The following FHIT variants were observed in gnomAD, a reference collection of about 807,000 sequenced individuals.
FHIT encodes fragile histidine triad diadenosine triphosphatase.
FHIT carries 19 observed loss-of-function variants against 17.9 expected under a neutral mutation model. That is an observed-to-expected ratio of 1.06 (90% CI 0.74 to 1.56). The LOEUF is 1.56. Ranked by LOEUF, FHIT falls within the 40% of genes most tolerant of loss-of-function variation. FHIT has a pLI of 0.00. For synonymous variants in FHIT, 81 were observed against 69.7 expected, an observed-to-expected ratio of 1.16 and a Z score of -0.81; for missense variants, 248 against 189.2, an observed-to-expected ratio of 1.31 and a Z score of -1.82.
At chr3:60,932,804 G>T (rs1708026623) in intron 3 of FHIT, among the ~76,000 whole-genome samples, 1 of 152,094 alleles carries the variant, frequency 6.6e-6, no homozygotes, top group Non-Finnish European at 1.5e-5. Flanking sequence ...TTCTGCTGGA[G>T]AAAGGAGGGT....
intron 3 of FHIT, 42 bp downstream of exon 3, chr3:61,042,005 A>G (rs1328573370): frequency 6.6e-6 from 1 of 152,240 alleles, no homozygotes; most frequent in South Asian, 2.1e-4. Context: ...AGCCAGTGGC[A>G]TATGTGCCAA....
chr3:61,133,291 T>G (rs1005498602), intron 2 of FHIT, among the ~76,000 whole-genome samples: 3 of 152,222 alleles, frequency 2.0e-5, no homozygotes, highest in Non-Finnish European at 4.4e-5. Flanking sequence ...GGTACAACCA[T>G]GTCTGTTTTG....
At chr3:60,099,657 A>G (rs1704109839) in intron 5 of FHIT, among the ~76,000 whole-genome samples, 1 of 152,202 alleles carries the variant, frequency 6.6e-6, no homozygotes, top group African/African-American at 2.4e-5. Context: ...CTCACCCGAC[A>G]TATTTACATA....
At chr3:60,277,054 T>G (rs1346139376) in intron 5 of FHIT, among the ~76,000 whole-genome samples, 1 of 151,994 alleles carries the variant, frequency 6.6e-6, no homozygotes, top group Non-Finnish European at 1.5e-5. Flanking sequence ...GCTAGAACTT[T>G]CAGTTACTTA....
At chr3:60,082,645 T>C (rs1703338791) in intron 5 of FHIT, among the ~76,000 whole-genome samples, 1 of 152,088 alleles carries the variant, frequency 6.6e-6, no homozygotes, top group Non-Finnish European at 1.5e-5. Flanking sequence ...CTGTGTCTTT[T>C]TGGCTTTTTA....
chr3:60,477,633 C>T (rs2033412613), intron 5 of FHIT, among the ~76,000 whole-genome samples: 1 of 152,124 alleles, frequency 6.6e-6, no homozygotes, highest in African/African-American at 2.4e-5. Context: ...TATTATTTTT[C>T]TGGTAGATGA....
intron 5 of FHIT, among the ~76,000 whole-genome samples, chr3:60,239,029 T>G (rs536007517): frequency 3.9e-4 from 59 of 152,302 alleles, no homozygotes; most frequent in Non-Finnish European, 7.8e-4. Context: ...TAAGAATGTA[T>G]ATACTTAGCC....
chr3:60,030,535 T>C (rs1194239391), intron 5 of FHIT, among the ~76,000 whole-genome samples: 2 of 152,246 alleles, frequency 1.3e-5, no homozygotes, highest in Admixed American at 6.5e-5. Context: ...CATTTGTTTG[T>C]ATCCCTCATA....
At chr3:60,283,362 A>T (rs1207932106) in intron 5 of FHIT, among the ~76,000 whole-genome samples, 1 of 152,108 alleles carries the variant, frequency 6.6e-6, no homozygotes, top group East Asian at 1.9e-4. Context: ...AATATATATT[A>T]ATACATATCA....
intron 5 of FHIT, among the ~76,000 whole-genome samples, chr3:60,133,532 A>G (rs1215249156): frequency 6.6e-6 from 1 of 152,106 alleles, no homozygotes; most frequent in Non-Finnish European, 1.5e-5. Context: ...TAAATCACAC[A>G]GGGAGAAGTG....
chr3:60,274,026 T>C (rs1401819821), intron 5 of FHIT, among the ~76,000 whole-genome samples: 20 of 152,316 alleles, frequency 1.3e-4, no homozygotes, highest in Non-Finnish European at 5.9e-5. Flanking sequence ...TTGGCAGTAA[T>C]GATAAGCCTT....
chr3:60,239,112 T>G (rs1704973618), intron 5 of FHIT, among the ~76,000 whole-genome samples: 1 of 152,210 alleles, frequency 6.6e-6, no homozygotes, highest in South Asian at 2.1e-4. Flanking sequence ...ACTTGAGAGA[T>G]ATTTTTGCAA....
chr3:60,712,206 C>A (rs546299510), intron 4 of FHIT, among the ~76,000 whole-genome samples: 2 of 152,068 alleles, frequency 1.3e-5, no homozygotes, highest in African/African-American at 2.4e-5. Flanking sequence ...GAAATAAAAT[C>A]CTTTACAGAC....
chr3:59,863,729 C>T (rs1202090260), intron 8 of FHIT, among the ~76,000 whole-genome samples: 3 of 152,190 alleles, frequency 2.0e-5, no homozygotes, highest in Non-Finnish European at 4.4e-5. Context: ...TTCTGAAGTA[C>T]CTTCTTATAA....
At chr3:60,921,850 C>T (rs1707304281) in intron 3 of FHIT, among the ~76,000 whole-genome samples, 1 of 152,232 alleles carries the variant, frequency 6.6e-6, no homozygotes, top group African/African-American at 2.4e-5. Context: ...CTGCCCAACA[C>T]TATCTTTTCC....
chr3:59,830,059 G>C (rs111989960), intron 8 of FHIT, among the ~76,000 whole-genome samples: 3,651 of 152,194 alleles, frequency 0.024, 58 homozygotes, highest in South Asian at 0.038. Context: ...CTGGGTGACA[G>C]AGACCCTGTC....
At chr3:59,838,696 C>G (rs1046229571) in intron 8 of FHIT, among the ~76,000 whole-genome samples, 5 of 152,182 alleles carry the variant, frequency 3.3e-5, no homozygotes, top group African/African-American at 1.2e-4. Context: ...CTCTGTGTCT[C>G]AGGTTCCTTA....
intron 3 of FHIT, among the ~76,000 whole-genome samples, chr3:60,841,203 T>A (rs933068228): frequency 2.0e-5 from 3 of 152,204 alleles, no homozygotes; most frequent in East Asian, 3.9e-4. Context: ...TTAGAAGAAA[T>A]GGAATCTAAG....
chr3:60,268,139 G>T (rs1406284560), intron 5 of FHIT, among the ~76,000 whole-genome samples: 2 of 152,104 alleles, frequency 1.3e-5, no homozygotes, highest in Non-Finnish European at 2.9e-5. Context: ...ACTACAAAAA[G>T]CTTTTCAGGC....
Sources: allele counts gnomAD v4.1 joint callset (sites outside exome capture counted in the v4.1 genomes callset), GRCh38; gene constraint gnomAD v4.1.1; transcripts MANE v1.5; gene names NCBI Gene and HGNC (gene_info 2026-07-23, HGNC 2026-07-21).